FHIT: variants seen among roughly 807,000 people sequenced by gnomAD.
FHIT encodes bis(5'-adenosyl)-triphosphatase.
FHIT carries 19 observed loss-of-function variants against 17.9 expected under a neutral mutation model. That is an observed-to-expected ratio of 1.06 (90% confidence interval 0.74 to 1.56). The LOEUF is 1.56. Among genes scored for constraint, FHIT ranks in the 40% most tolerant of loss-of-function variants. FHIT has a pLI of 0.00. For synonymous variants in FHIT, 81 were observed against 69.7 expected (o/e 1.16, Z -0.81); for missense variants, 248 against 189.2 (o/e 1.31, Z -1.82).
intron 3 of FHIT, among the ~76,000 whole-genome samples, chr3:60,965,050 C>T: frequency 6.6e-6 from 1 of 152,158 alleles, no homozygotes; most frequent in Non-Finnish European, 1.5e-5. Flanking sequence ...CCATTCTCCT[C>T]ATCACTTTCA....
intron 8 of FHIT, among the ~76,000 whole-genome samples, chr3:59,846,883 T>C (rs1701741150): frequency 6.6e-6 from 1 of 152,188 alleles, no homozygotes; most frequent in East Asian, 1.9e-4. Context: ...TTTTTTTCTT[T>C]TACCACTTTG....
chr3:59,999,599 C>G (rs755516828), intron 7 of FHIT, among the ~76,000 whole-genome samples: 17 of 152,072 alleles, frequency 1.1e-4, no homozygotes, highest in Non-Finnish European at 1.6e-4. Flanking sequence ...AACTTCAACT[C>G]CGACTGGCTT....
At chr3:60,785,416 A>C (rs1700532685) in intron 4 of FHIT, among the ~76,000 whole-genome samples, 1 of 152,180 alleles carries the variant, frequency 6.6e-6, no homozygotes, top group Admixed American at 6.5e-5. Flanking sequence ...GCCACAGGCA[A>C]AGAGTATATT....
chr3:60,621,692 T>C (rs1180428455), intron 4 of FHIT, among the ~76,000 whole-genome samples: 1 of 152,018 alleles, frequency 6.6e-6, no homozygotes, highest in Non-Finnish European at 1.5e-5. Context: ...TAGTATGGGC[T>C]CTAGAAATAC....
intron 7 of FHIT, among the ~76,000 whole-genome samples, chr3:59,966,073 A>T (rs1050252197): frequency 6.6e-6 from 1 of 152,230 alleles, no homozygotes; most frequent in Non-Finnish European, 1.5e-5. Context: ...CCAGAGAAAG[A>T]TAATTCTAGA....
chr3:60,134,711 G>A (rs1002842323), intron 5 of FHIT, among the ~76,000 whole-genome samples: 4 of 152,122 alleles, frequency 2.6e-5, no homozygotes, highest in Non-Finnish European at 4.4e-5. Context: ...ATGTAGACAC[G>A]TAAACATGCT....
chr3:60,960,291 G>A (rs1371848803), intron 3 of FHIT, among the ~76,000 whole-genome samples: 2 of 152,116 alleles, frequency 1.3e-5, no homozygotes, highest in African/African-American at 4.8e-5. Context: ...GTTGTGTGGT[G>A]AAGAAAGAAA....
intron 5 of FHIT, among the ~76,000 whole-genome samples, chr3:60,027,146 C>CAAAAAAA (rs397947401): frequency 3.3e-5 from 4 of 122,810 alleles, no homozygotes; most frequent in African/African-American, 8.9e-5. Flanking sequence ...CACACACACA[C>CAAAAAAA]ACAAAATTAG....
intron 4 of FHIT, among the ~76,000 whole-genome samples, chr3:60,752,596 A>C (rs1553717134): frequency 6.6e-6 from 1 of 152,198 alleles, no homozygotes; most frequent in African/African-American, 2.4e-5. Context: ...TCGAACCCAC[A>C]ACCCTGGATA....
chr3:60,898,809 A>G (rs1575661227), intron 3 of FHIT, among the ~76,000 whole-genome samples: 1 of 152,324 alleles, frequency 6.6e-6, no homozygotes. Flanking sequence ...AATGCATAGG[A>G]TAGATCCCAT....
chr3:60,171,188 A>AT (rs925313644), intron 5 of FHIT, among the ~76,000 whole-genome samples: 8 of 151,556 alleles, frequency 5.3e-5, no homozygotes, highest in South Asian at 2.1e-4. Context: ...GAGGGATGCT[A>AT]TTTTTTTTTA....
At chr3:60,751,017 C>G (rs1240425934) in intron 4 of FHIT, among the ~76,000 whole-genome samples, 2 of 152,212 alleles carry the variant, frequency 1.3e-5, no homozygotes, top group Non-Finnish European at 2.9e-5. Context: ...TCCTTCCTCC[C>G]TGGGCTGTGA....
At chr3:60,588,378 G>T (rs1253213150) in intron 4 of FHIT, among the ~76,000 whole-genome samples, 4 of 151,762 alleles carry the variant, frequency 2.6e-5, no homozygotes, top group African/African-American at 7.3e-5. Context: ...ATCTAAGTAC[G>T]GAATGTGAAA....
At chr3:60,487,976 G>T (rs79647958) in intron 5 of FHIT, among the ~76,000 whole-genome samples, 1 of 152,122 alleles carries the variant, frequency 6.6e-6, no homozygotes, top group African/African-American at 2.4e-5. Context: ...AGTATTAAAG[G>T]TTCTTTATTC....
intron 5 of FHIT, among the ~76,000 whole-genome samples, chr3:60,454,213 A>C (rs2031936024): frequency 6.6e-6 from 1 of 152,112 alleles, no homozygotes; most frequent in African/African-American, 2.4e-5. Context: ...ACTTCAAGGA[A>C]GCTCCTCCAA....
At chr3:60,360,087 T>A (rs150404059) in intron 5 of FHIT, among the ~76,000 whole-genome samples, 27 of 151,192 alleles carry the variant, frequency 1.8e-4, no homozygotes, top group African/African-American at 6.3e-4. Context: ...CCCCATTAGG[T>A]GCATCTACCA....
intron 2 of FHIT, among the ~76,000 whole-genome samples, chr3:61,139,160 G>C (rs868622163): frequency 6.6e-6 from 1 of 151,788 alleles, no homozygotes; most frequent in Non-Finnish European, 1.5e-5. Flanking sequence ...CTCCTGAGTA[G>C]CTGGGACTAT....
intron 5 of FHIT, among the ~76,000 whole-genome samples, chr3:60,462,786 A>G (rs955647510): frequency 1.1e-4 from 17 of 152,334 alleles, no homozygotes; most frequent in African/African-American, 4.1e-4. Context: ...GGAGCCACTG[A>G]GGGCATGCTG....
At chr3:60,560,164 C>T (rs992123332) in intron 4 of FHIT, among the ~76,000 whole-genome samples, 1 of 152,056 alleles carries the variant, frequency 6.6e-6, no homozygotes, top group Admixed American at 6.6e-5. Flanking sequence ...ATTTTCTTCC[C>T]TTATCATGGC....
Sources: allele counts gnomAD v4.1 joint callset (sites outside exome capture counted in the v4.1 genomes callset), GRCh38; gene constraint gnomAD v4.1.1; transcripts MANE v1.5; gene names NCBI Gene and HGNC (gene_info 2026-07-23, HGNC 2026-07-21).